SORCS1: variants seen among roughly 807,000 people sequenced by gnomAD.
The protein encoded by SORCS1 is sortilin related VPS10 domain containing receptor 1, also known as VPS10 domain-containing receptor SorCS1.
Under a neutral mutation model 146.1 loss-of-function variants are expected in SORCS1, and 60 were observed. The ratio of observed to expected loss-of-function variants is 0.41; its 90% CI spans 0.33 to 0.51. The LOEUF is 0.51. Among genes scored for constraint, SORCS1 ranks in the 20% least tolerant of loss-of-function variants. The probability of loss-of-function intolerance (pLI) is 0.21; values close to 1 mark genes in which losing one functional copy is unlikely to be tolerated. For missense variants in SORCS1, 1,352 were observed against 1,487.6 expected (o/e 0.91, Z 1.50); for synonymous variants, 637 against 584.0 (o/e 1.09, Z -1.31).
intron 3 of SORCS1, among the ~76,000 whole-genome samples, chr10:106,800,790 C>T (rs1589911093): frequency 6.6e-6 from 1 of 152,004 alleles, no homozygotes; most frequent in Admixed American, 6.6e-5. Context: ...ATCTGCCTGC[C>T]GCAGTCTCCC....
intron 2 of SORCS1, among the ~76,000 whole-genome samples, chr10:106,859,358 T>A (rs1432963567): frequency 6.6e-6 from 1 of 152,202 alleles, no homozygotes; most frequent in Non-Finnish European, 1.5e-5. Context: ...TTTCAGCCGA[T>A]CACAATTCAT....
At chr10:106,842,897 G>A (rs1168953930) in intron 2 of SORCS1, among the ~76,000 whole-genome samples, 2 of 152,174 alleles carry the variant, frequency 1.3e-5, no homozygotes, top group Non-Finnish European at 2.9e-5. Context: ...ACAGGCATGA[G>A]CCACTGTGCC....
chr10:106,643,681 C>T (rs1437590998), intron 18 of SORCS1, among the ~76,000 whole-genome samples: 1 of 152,206 alleles, frequency 6.6e-6, no homozygotes, highest in Non-Finnish European at 1.5e-5. Context: ...CCTTCTTGTG[C>T]CCAGAAGGCA....
chr10:106,675,703 T>G (rs1044375043), intron 13 of SORCS1, among the ~76,000 whole-genome samples: 3 of 152,234 alleles, frequency 2.0e-5, no homozygotes, highest in African/African-American at 7.2e-5. Flanking sequence ...TGGAATGCTC[T>G]AAATGCTTGT....
chr10:107,142,877 A>G (rs2485392), intron 1 of SORCS1, among the ~76,000 whole-genome samples: 149,314 of 152,362 alleles, frequency 0.98, 73,173 homozygotes, highest in East Asian at 1. Flanking sequence ...GAAATTTGTG[A>G]TGGAACTGGG....
chr10:106,849,584 C>A (rs1949457520), intron 2 of SORCS1, among the ~76,000 whole-genome samples: 1 of 151,426 alleles, frequency 6.6e-6, no homozygotes, highest in Non-Finnish European at 1.5e-5. Context: ...CCTCTCTCAG[C>A]TCGTCAAAAT....
intron 1 of SORCS1, among the ~76,000 whole-genome samples, chr10:107,073,097 G>A (rs1431828702): frequency 6.6e-6 from 1 of 152,080 alleles, no homozygotes; most frequent in Non-Finnish European, 1.5e-5. Context: ...AATGAGCTAC[G>A]GCTTCAATTG....
chr10:106,758,136 G>A (rs1380418298), intron 5 of SORCS1, among the ~76,000 whole-genome samples: 2 of 152,048 alleles, frequency 1.3e-5, no homozygotes, highest in African/African-American at 2.4e-5. Flanking sequence ...TAATTTTATG[G>A]CTTTTGATTA....
At chr10:106,611,847 G>T in intron 22 of SORCS1, 64 bp downstream of exon 22, 1 of 1,255,332 alleles carries the variant, frequency 8.0e-7, no homozygotes. Context: ...TCCCCTTTCT[G>T]TGAAATTCTT....
chr10:106,916,429 C>T (rs1952428040), intron 2 of SORCS1, among the ~76,000 whole-genome samples: 3 of 149,784 alleles, frequency 2.0e-5, no homozygotes, highest in Non-Finnish European at 4.4e-5. Context: ...GGGGTATACA[C>T]ATACACACGA....
intron 14 of SORCS1, among the ~76,000 whole-genome samples, chr10:106,674,356 A>AAGT (rs1283676999): frequency 6.8e-6 from 1 of 147,600 alleles, no homozygotes; most frequent in Admixed American, 6.8e-5. Flanking sequence ...AAAAAAAAAA[A>AAGT]AGTAGTAGTG....
At chr10:106,679,786 T>C in intron 10 of SORCS1, 52 bp from the exon 11 acceptor site, 1 of 1,401,420 alleles carries the variant, frequency 7.1e-7, no homozygotes, top group East Asian at 2.4e-5. Flanking sequence ...AAATGGTCAT[T>C]TGAAGCTCAG....
intron 6 of SORCS1, among the ~76,000 whole-genome samples, chr10:106,715,024 G>A (rs1327429316): frequency 6.6e-6 from 1 of 152,322 alleles, no homozygotes; most frequent in East Asian, 1.9e-4. Context: ...ATCTTGAACA[G>A]TCTGCCCGTG....
intron 1 of SORCS1, among the ~76,000 whole-genome samples, chr10:107,153,598 C>G (rs1359891554): frequency 6.6e-6 from 1 of 152,174 alleles, no homozygotes; most frequent in African/African-American, 2.4e-5. Flanking sequence ...AGGAAACAGA[C>G]AGAGTGATCT....
At chr10:107,173,799 A>T in the SORCS1 span, among the ~76,000 whole-genome samples, 5 of 152,330 alleles carry the variant, frequency 3.3e-5, no homozygotes, top group African/African-American at 1.2e-4. Context: ...AAAATTTAAG[A>T]ATCCTTTTCC....
intron 1 of SORCS1, among the ~76,000 whole-genome samples, chr10:107,041,566 T>C (rs1158333192): frequency 1.3e-5 from 2 of 152,184 alleles, no homozygotes; most frequent in Non-Finnish European, 1.5e-5. Context: ...CATGTGATTT[T>C]TAATTTGCAA....
At chr10:107,115,027 T>G (rs980760398) in intron 1 of SORCS1, among the ~76,000 whole-genome samples, 1 of 151,912 alleles carries the variant, frequency 6.6e-6, no homozygotes, top group African/African-American at 2.4e-5. Context: ...AATAAGATAC[T>G]TAAGATAAAT....
chr10:106,967,551 A>G (rs1283467545), intron 1 of SORCS1, among the ~76,000 whole-genome samples: 2 of 152,210 alleles, frequency 1.3e-5, no homozygotes, highest in Non-Finnish European at 1.5e-5. Context: ...CTACAGACCC[A>G]AAGCCAAGGC....
intron 6 of SORCS1, among the ~76,000 whole-genome samples, chr10:106,717,196 AAAGCCCATAC>A (rs1379022132): frequency 6.6e-6 from 1 of 152,244 alleles, no homozygotes; most frequent in Non-Finnish European, 1.5e-5. Context: ...AACAGATTTT[AAAGCCCATAC>A]AAGCGCATAT....
Sources: allele counts gnomAD v4.1 joint callset (sites outside exome capture counted in the v4.1 genomes callset), GRCh38; gene constraint gnomAD v4.1.1; transcripts MANE v1.5; gene names NCBI Gene and HGNC (gene_info 2026-07-23, HGNC 2026-07-21).